Variants in CCDC73 observed in about 807,000 individuals in gnomAD.
The protein encoded by CCDC73 is coiled-coil domain-containing protein 73.
CCDC73 carries 95 observed loss-of-function variants against 116.5 expected under a neutral mutation model. That is an observed-to-expected ratio of 0.82 (90% CI 0.69 to 0.97). The LOEUF is 0.97. Among genes scored for constraint, CCDC73 ranks in the 50% least tolerant of loss-of-function variants. CCDC73 has a pLI of 0.00. For missense variants in CCDC73, 1,066 were observed against 1,206.8 expected (o/e 0.88, Z 1.73); for synonymous variants, 398 against 401.3 (o/e 0.99, Z 0.10).
chr11:32,646,302 T>C (rs963648037), intron 12 of CCDC73, among the ~76,000 whole-genome samples: 3 of 152,236 alleles, frequency 2.0e-5, no homozygotes, highest in Non-Finnish European at 2.9e-5. Context: ...TTTTCAGTTC[T>C]GTCATGAGTC....
the CCDC73 span, among the ~76,000 whole-genome samples, chr11:32,823,754 T>A: frequency 6.6e-6 from 1 of 152,142 alleles, no homozygotes; most frequent in Non-Finnish European, 1.5e-5. Context: ...AAAAATTTTT[T>A]TTTTAAACAG....
intron 2 of CCDC73, among the ~76,000 whole-genome samples, chr11:32,745,744 GGTT>G (rs1850231145): frequency 9.4e-5 from 4 of 42,684 alleles, no homozygotes; most frequent in Admixed American, 3.1e-4. Flanking sequence ...TGTTTGTTTT[GGTT>G]TTTTTTTTTT....
chr11:32,629,741 A>G (rs1855611966), intron 14 of CCDC73, among the ~76,000 whole-genome samples: 1 of 147,462 alleles, frequency 6.8e-6, no homozygotes. Context: ...AAGAATTGTC[A>G]TAGACCTCTT....
chr11:32,683,648 G>A (rs2133295818), intron 6 of CCDC73, 74 bp from the exon 7 acceptor site: 2 of 882,606 alleles, frequency 2.3e-6, no homozygotes, highest in Non-Finnish European at 1.8e-6. Context: ...TATCAAAAGT[G>A]CGTGCTATAA....
chr11:32,605,437 G>A (rs1185669433), intron 17 of CCDC73: 1 of 152,114 alleles, frequency 6.6e-6, no homozygotes, highest in Non-Finnish European at 1.5e-5. Context: ...TTACTCATTA[G>A]CTTCTTTTAG....
chr11:32,723,516 G>A (rs2133337517), intron 2 of CCDC73, among the ~76,000 whole-genome samples: 2 of 152,274 alleles, frequency 1.3e-5, no homozygotes, highest in South Asian at 4.1e-4. Context: ...GAAAAGGAAT[G>A]TACAAGTACC....
intron 9 of CCDC73, among the ~76,000 whole-genome samples, chr11:32,660,841 A>AGG (rs1346381942): frequency 6.6e-6 from 1 of 152,126 alleles, no homozygotes; most frequent in African/African-American, 2.4e-5. Context: ...AAAGAGAGAG[A>AGG]GAGAATACAA....
intron 2 of CCDC73, among the ~76,000 whole-genome samples, chr11:32,742,152 A>G (rs1373866480): frequency 1.3e-5 from 2 of 152,226 alleles, no homozygotes; most frequent in African/African-American, 4.8e-5. Context: ...AGCATGATTT[A>G]TAATCCTTTG....
At chr11:32,661,780 C>T (rs1347529753) in intron 9 of CCDC73, among the ~76,000 whole-genome samples, 2 of 151,446 alleles carry the variant, frequency 1.3e-5, no homozygotes, top group Non-Finnish European at 2.9e-5. Flanking sequence ...GTGTGCTGCA[C>T]CCATTAACTC....
In CCDC73 at chr11:32,653,966, A is replaced by C; in HGVS notation, c.834+12T>G. Reference sequence around the variant, plus strand: ...ATATTTACTGGCTTCCAAATAGCTTATGATTGCTTACCTGTTTTTCTTCTT... The same window carrying C: ...ATATTTACTGGCTTCCAAATAGCTTCTGATTGCTTACCTGTTTTTCTTCTT... On this transcript the variant is annotated intron_variant, in intron 11 of 17. Coordinates refer to ENST00000335185, the MANE Select transcript of CCDC73 (RefSeq NM_001008391.4). 1 of 1,595,388 alleles carries C rather than the reference A, an allele frequency of 6.3e-7. No individual in the cohort carries two copies. Among genetic ancestry groups the C allele is most frequent in the Non-Finnish European group, 8.5e-7 (1 of 1,173,438 alleles).
intron 14 of CCDC73, among the ~76,000 whole-genome samples, chr11:32,628,855 T>C (rs1051569475): frequency 6.6e-6 from 1 of 151,984 alleles, no homozygotes; most frequent in Non-Finnish European, 1.5e-5. Context: ...AATACAGAAA[T>C]GACAGAGGTA....
At chr11:32,711,354 A>G (rs56332271) in intron 3 of CCDC73, among the ~76,000 whole-genome samples, 41,196 of 152,158 alleles carry the variant, frequency 0.27, 6,464 homozygotes, top group East Asian at 0.79. Flanking sequence ...TGTTTATAGC[A>G]GCACAATTTG....
At chr11:32,708,963 A>G (rs1280638368) in intron 3 of CCDC73, among the ~76,000 whole-genome samples, 1 of 152,150 alleles carries the variant, frequency 6.6e-6, no homozygotes, top group Non-Finnish European at 1.5e-5. Flanking sequence ...AAGTGGTGAA[A>G]GTGGGCATCC....
intron 12 of CCDC73, among the ~76,000 whole-genome samples, chr11:32,650,747 C>T (rs901373156): frequency 1.3e-5 from 2 of 152,002 alleles, no homozygotes; most frequent in African/African-American, 2.4e-5. Context: ...GCAAAACTTT[C>T]GTTACATGAT....
chr11:32,654,547 G>A (rs1246981262), intron 10 of CCDC73, among the ~76,000 whole-genome samples: 1 of 152,254 alleles, frequency 6.6e-6, no homozygotes, highest in Non-Finnish European at 1.5e-5. Flanking sequence ...TACCAACAAA[G>A]CTTGGTGCAA....
intron 12 of CCDC73, among the ~76,000 whole-genome samples, chr11:32,648,611 G>A (rs2133257080): frequency 6.6e-6 from 1 of 152,016 alleles, no homozygotes; most frequent in Admixed American, 6.5e-5. Context: ...GAGTGCAGTG[G>A]TGCAATCTCA....
intron 1 of CCDC73, among the ~76,000 whole-genome samples, chr11:32,764,889 C>T (rs959872577): frequency 7.2e-5 from 11 of 152,162 alleles, no homozygotes; most frequent in South Asian, 2.1e-4. Context: ...CAGAGACACA[C>T]ATAGGCTCAA....
At chr11:32,685,385 T>A (rs557995873) in intron 6 of CCDC73, among the ~76,000 whole-genome samples, 38 of 150,952 alleles carry the variant, frequency 2.5e-4, no homozygotes, top group African/African-American at 7.1e-4. Context: ...AAACGATAAA[T>A]CAGGGAAGAC....
chr11:32,810,652 T>C, the CCDC73 span, among the ~76,000 whole-genome samples: 1 of 152,174 alleles, frequency 6.6e-6, no homozygotes. Context: ...ATATGTAACG[T>C]TTCTCAATTT....
Sources: gnomAD v4.1 joint callset for allele counts (sites outside exome capture counted in the v4.1 genomes callset) on GRCh38, gnomAD v4.1.1 for gene constraint, MANE v1.5 for transcripts, NCBI Gene and HGNC (gene_info 2026-07-23, HGNC 2026-07-21) for gene names.